Variants in SCD5 observed in about 807,000 individuals in gnomAD.
The protein encoded by SCD5 is acyl-CoA-desaturase 4.
Under a neutral mutation model 30.4 loss-of-function variants are expected in SCD5, and 20 were observed. The observed-to-expected ratio is 0.66, with a 90% CI of 0.46 to 0.96. The LOEUF is 0.96. Ranked by LOEUF, SCD5 falls within the 40% of genes least tolerant of loss-of-function variation. The pLI, the probability that SCD5 is intolerant of heterozygous loss-of-function variation, is 0.00. For synonymous variants in SCD5, 173 were observed against 176.4 expected (o/e 0.98, Z 0.16); for missense variants, 381 against 443.3 (o/e 0.86, Z 1.26).
intron 3 of SCD5, among the ~76,000 whole-genome samples, chr4:82,671,005 A>G (rs761746241): frequency 2.0e-5 from 3 of 152,202 alleles, no homozygotes; most frequent in Non-Finnish European, 4.4e-5. Flanking sequence ...GACCCACTTT[A>G]AATATAAAGA....
At position 82,781,903 on chromosome 4, in the gene SCD5, AG is replaced by A. The variant is rs532402134; in HGVS notation, c.232+16402del. Among the ~76,000 whole-genome samples, 482 of 152,250 alleles carry A rather than the reference AG, an allele frequency of 3.2e-3. 4 individuals are homozygous for A. The highest frequency in any genetic ancestry group is 0.027 in the Middle Eastern group (8 of 294). Reference sequence around the variant, plus strand: ...CTAAGACAGATTACTGTCCTAGATGAGGGTGGTCATCAGACCTCATCACCCT... The same window carrying A: ...CTAAGACAGATTACTGTCCTAGATGAGGTGGTCATCAGACCTCATCACCCT... On this transcript the variant is annotated intron_variant, in intron 1 of 4. Coordinates refer to ENST00000319540, the MANE Select transcript of SCD5 (RefSeq NM_001037582.3).
intron 1 of SCD5, among the ~76,000 whole-genome samples, chr4:82,755,226 A>C (rs1417143822): frequency 6.6e-6 from 1 of 152,274 alleles, no homozygotes; most frequent in African/African-American, 2.4e-5. Context: ...GGGGCCAGGC[A>C]TGGTGGCTCA....
intron 3 of SCD5, among the ~76,000 whole-genome samples, chr4:82,654,466 A>G (rs1727827673): frequency 6.6e-6 from 1 of 152,204 alleles, no homozygotes. Flanking sequence ...TTGCAGTTAG[A>G]TATCTTTCCC....
chr4:82,663,064 G>T (rs1728053638), intron 3 of SCD5, among the ~76,000 whole-genome samples: 2 of 152,092 alleles, frequency 1.3e-5, no homozygotes, highest in Admixed American at 1.3e-4. Flanking sequence ...GAATATTGCT[G>T]TCACCTCGAC....
At chr4:82,743,206 T>A (rs537690947) in intron 1 of SCD5, among the ~76,000 whole-genome samples, 5 of 152,206 alleles carry the variant, frequency 3.3e-5, no homozygotes, top group African/African-American at 1.2e-4. Context: ...AGGAGGATAG[T>A]CTATTTCCTA....
chr4:82,633,158 C>T (rs899018092), intron 4 of SCD5, among the ~76,000 whole-genome samples: 4 of 151,306 alleles, frequency 2.6e-5, no homozygotes, highest in Non-Finnish European at 4.4e-5. Context: ...CCCCCTGCCC[C>T]AGCCTCTGGT....
At chr4:82,761,329 T>C (rs1721358670) in intron 1 of SCD5, among the ~76,000 whole-genome samples, 1 of 152,184 alleles carries the variant, frequency 6.6e-6, no homozygotes, top group Non-Finnish European at 1.5e-5. Flanking sequence ...CTTCTAAGCT[T>C]AGTCCAATAT....
chr4:82,771,709 GCCACTACCGACCAGCTTC>G (rs1721627002), intron 1 of SCD5, among the ~76,000 whole-genome samples: 1 of 152,168 alleles, frequency 6.6e-6, no homozygotes. Flanking sequence ...ACCCTGGCAG[GCCACTACCGACCAGCTTC>G]CCCTTAAATC....
intron 1 of SCD5, among the ~76,000 whole-genome samples, chr4:82,740,087 G>A (rs1720841553): frequency 1.3e-5 from 2 of 152,092 alleles, no homozygotes; most frequent in South Asian, 2.1e-4. Context: ...GGAAACACAG[G>A]TCCTTTCAAC....
intron 1 of SCD5, among the ~76,000 whole-genome samples, chr4:82,718,990 C>T (rs1035857264): frequency 4.0e-5 from 6 of 151,798 alleles, no homozygotes; most frequent in African/African-American, 9.7e-5. Flanking sequence ...CTCCAGGGTG[C>T]GGAGTATCAG....
At chr4:82,738,407 T>A (rs958072943) in intron 1 of SCD5, among the ~76,000 whole-genome samples, 1 of 152,138 alleles carries the variant, frequency 6.6e-6, no homozygotes, top group Non-Finnish European at 1.5e-5. Context: ...GGCAACAGAG[T>A]GAGACTCCGT....
intron 3 of SCD5, among the ~76,000 whole-genome samples, chr4:82,666,069 G>A (rs748815536): frequency 7.9e-5 from 12 of 151,770 alleles, no homozygotes; most frequent in African/African-American, 1.2e-4. Context: ...CAAGAGCTGC[G>A]GGGTTATAGA....
At chr4:82,667,100 T>C (rs993910316) in intron 3 of SCD5, among the ~76,000 whole-genome samples, 10 of 152,192 alleles carry the variant, frequency 6.6e-5, no homozygotes, top group Non-Finnish European at 1.0e-4. Context: ...CCAGAATCCA[T>C]TGACACCTGT....
chr4:82,677,755 A>C (rs1460234717), intron 3 of SCD5, among the ~76,000 whole-genome samples: 2 of 152,214 alleles, frequency 1.3e-5, no homozygotes, highest in Non-Finnish European at 2.9e-5. Context: ...AATCACAAGA[A>C]CATTGAGTGA....
At chr4:82,712,299 T>TATACATATATATATATATATATACG (rs1560540883) in intron 1 of SCD5, among the ~76,000 whole-genome samples, 1 of 32,028 alleles carries the variant, frequency 3.1e-5, no homozygotes, top group Non-Finnish European at 6.5e-5. Context: ...TATATATATT[T>TATACATATATATATATATATATACG]TATTTTTATT....
At chr4:82,769,101 C>A (rs1721557732) in intron 1 of SCD5, among the ~76,000 whole-genome samples, 1 of 152,236 alleles carries the variant, frequency 6.6e-6, no homozygotes, top group South Asian at 2.1e-4. Flanking sequence ...TGGCTCTTCG[C>A]AGGTCCCTAG....
intron 2 of SCD5, among the ~76,000 whole-genome samples, chr4:82,700,338 C>CA (rs1719801872): frequency 6.6e-6 from 1 of 151,960 alleles, no homozygotes; most frequent in East Asian, 1.9e-4. Flanking sequence ...GGATACATAC[C>CA]AAAAAACCCT....
chr4:82,781,005 C>A (rs1721856146), intron 1 of SCD5, among the ~76,000 whole-genome samples: 2 of 152,254 alleles, frequency 1.3e-5, no homozygotes, highest in Admixed American at 6.5e-5. Context: ...AGCCTCCTCA[C>A]ACTCACATAA....
intron 1 of SCD5, among the ~76,000 whole-genome samples, chr4:82,758,292 T>C (rs1721273556): frequency 6.6e-6 from 1 of 152,060 alleles, no homozygotes. Context: ...TCAAGATCCC[T>C]GTCTCTCCAA....
Sources: allele counts gnomAD v4.1 joint callset (sites outside exome capture counted in the v4.1 genomes callset), GRCh38; gene constraint gnomAD v4.1.1; transcripts MANE v1.5; gene names NCBI Gene and HGNC (gene_info 2026-07-23, HGNC 2026-07-21).